N4BP2: variants seen among roughly 807,000 people sequenced by gnomAD.
N4BP2 encodes the protein NEDD4 binding protein 2.
In N4BP2, 91 loss-of-function variants were observed where a neutral mutation model predicts 152.8. The observed-to-expected ratio is 0.60, with a 90% CI of 0.50 to 0.71. N4BP2 has a LOEUF of 0.71. Ranked by LOEUF, N4BP2 falls within the 30% of genes least tolerant of loss-of-function variation. The probability of loss-of-function intolerance (pLI) is 0.00; values close to 1 mark genes in which losing one functional copy is unlikely to be tolerated. For synonymous variants in N4BP2, 646 were observed against 705.3 expected, an observed-to-expected ratio of 0.92 and a Z score of 1.33; for missense variants, 1,923 against 2,059.1, an observed-to-expected ratio of 0.93 and a Z score of 1.28.
At chr4:40,075,695 C>A (rs1243157365) in intron 2 of N4BP2, among the ~76,000 whole-genome samples, 2 of 152,160 alleles carry the variant, frequency 1.3e-5, no homozygotes, top group African/African-American at 2.4e-5. Context: ...TGTGCCAGGC[C>A]TACACATCTT....
chr4:40,147,118 C>G (rs975197322), intron 16 of N4BP2, among the ~76,000 whole-genome samples: 1 of 149,882 alleles, frequency 6.7e-6, no homozygotes, highest in Non-Finnish European at 1.5e-5. Context: ...TGACTCTTAA[C>G]GAGCATGCTG....
In N4BP2 at chr4:40,120,128, C is replaced by G. The variant is rs764398729; in HGVS notation, c.2017C>G (p.Gln673Glu). The change falls in exon 9 of 18, where the codon CAA becomes GAA. Residue 673 changes from glutamine (Q) to glutamate (E), a missense_variant. Physicochemically the swap from Gln to Glu is conservative, Grantham distance 29. Transcript: ENST00000261435. Reference protein sequence around the residue: ...KEISDMNPSIQSALILETPHM... With the variant: ...KEISDMNPSIESALILETPHM... ...AATAAGTGATATGAATCCTAGCATT[C>G]AAAGTGCTTTAATTCTGGAAACTCC... is the stretch of plus-strand genomic sequence containing the variant. 2 of 1,612,188 alleles carry G rather than the reference C, an allele frequency of 1.2e-6. No homozygotes were observed. Among genetic ancestry groups the G allele is most frequent in the South Asian group, 2.2e-5 (2 of 90,958 alleles).
At position 40,102,060 on chromosome 4, in the gene N4BP2, C is replaced by T. The variant is rs1444733668; in HGVS notation, c.230-15C>T. On this transcript the variant is annotated splice_polypyrimidine_tract_variant and intron_variant, in intron 3 of 17. Coordinates refer to ENST00000261435, the MANE Select transcript of N4BP2 (RefSeq NM_018177.6). Reference sequence around the variant, plus strand: ...CTATATTTTTGTTGTTGTTATTATTCTTGTTGTTGTACAGTTGAAAATGCT... The same window carrying T: ...CTATATTTTTGTTGTTGTTATTATTTTTGTTGTTGTACAGTTGAAAATGCT... 1 of 1,458,684 alleles carries T rather than the reference C, an allele frequency of 6.9e-7. No individual in the cohort carries two copies. Among genetic ancestry groups the T allele is most frequent in the Non-Finnish European group, 9.2e-7 (1 of 1,085,430 alleles). The allele number at this position is 1,458,684 out of a possible 1,614,324, so 90.4% of individuals were successfully genotyped here.
rs553088429 is a variant in N4BP2 at position 40,072,539 on chromosome 4, C to T, written c.-211-916C>T. Among the ~76,000 whole-genome samples, 68 of 151,494 alleles carry T rather than the reference C, an allele frequency of 4.5e-4. 1 individual carries two copies. Among genetic ancestry groups the T allele is most frequent in the African/African-American group, 1.4e-3 (57 of 41,294 alleles). On this transcript the variant is annotated intron_variant, in intron 1 of 17. Coordinates refer to ENST00000261435, the MANE Select transcript of N4BP2 (RefSeq NM_018177.6). ...GATTACAGGCGTGAGCCACCGCGCT[C>T]GGCCCACCTGGCTAATTTTTGTAAT...
At chr4:40,160,374 C>G (rs1238540582), downstream of N4BP2, among the ~76,000 whole-genome samples, 1 of 152,160 alleles carries the variant, frequency 6.6e-6, no homozygotes, top group African/African-American at 2.4e-5. Context: ...TTAGTAGAAA[C>G]CATCCTTCAA....
chr4:40,112,131 A>G lies in N4BP2; in HGVS notation c.1546A>G (p.Thr516Ala), dbSNP rs1439121770. Residue 516 changes from threonine to alanine, a missense_variant, in exon 6 of 18, where the codon ACA (threonine) becomes GCA (alanine). By Grantham distance (58) the Thr-to-Ala change is moderately conservative. Coordinates refer to ENST00000261435, the MANE Select transcript of N4BP2 (RefSeq NM_018177.6). Reference sequence around the variant, plus strand: ...GATATCTCCTATAATTATAGATAATACAAACCTACAGGCATGGGAAATGAA... The same window carrying G: ...GATATCTCCTATAATTATAGATAATGCAAACCTACAGGCATGGGAAATGAA... Reference protein sequence around the residue: ...KKISPIIIDNTNLQAWEMKPY... With the variant: ...KKISPIIIDNANLQAWEMKPY... 1 of 1,580,224 alleles carries G rather than the reference A, an allele frequency of 6.3e-7. No homozygotes were observed. The highest frequency in any genetic ancestry group is 1.2e-5 in the South Asian group (1 of 86,570).
At chr4:40,077,265 A>G (rs528152079) in intron 2 of N4BP2, among the ~76,000 whole-genome samples, 19 of 151,538 alleles carry the variant, frequency 1.3e-4, no homozygotes, top group East Asian at 1.2e-3. Context: ...GGTTCAAGCA[A>G]TTCTCCTGAG....
chr4:40,105,548 C>CTT (rs34782994), intron 4 of N4BP2, among the ~76,000 whole-genome samples: 1 of 140,118 alleles, frequency 7.1e-6, no homozygotes, highest in African/African-American at 2.7e-5. Flanking sequence ...TGGTCTCAAA[C>CTT]TTTTTTTTTT....
chr4:40,075,892 TTA>T (rs1712680524), intron 2 of N4BP2, among the ~76,000 whole-genome samples: 1 of 152,164 alleles, frequency 6.6e-6, no homozygotes, highest in African/African-American at 2.4e-5. Context: ...AGTGCTTTGA[TTA>T]CTGCCTACTG....
the N4BP2 span, among the ~76,000 whole-genome samples, chr4:40,190,370 T>C: frequency 6.6e-6 from 1 of 152,252 alleles, no homozygotes; most frequent in Non-Finnish European, 1.5e-5. Flanking sequence ...GATTCTGCAT[T>C]GCTCAGATTA....
intron 1 of N4BP2, among the ~76,000 whole-genome samples, chr4:40,061,955 A>G (rs1733689273): frequency 6.6e-6 from 1 of 151,980 alleles, no homozygotes; most frequent in South Asian, 2.1e-4. Flanking sequence ...GTGAACCACC[A>G]TGCCTGGCCA....
At chr4:40,072,645 C>G (rs141779954) in intron 1 of N4BP2, among the ~76,000 whole-genome samples, 3 of 152,096 alleles carry the variant, frequency 2.0e-5, no homozygotes, top group African/African-American at 7.2e-5. Flanking sequence ...CTGTACCCCC[C>G]CAGGCCTCCC....
chr4:40,140,843 C>T (rs1383718854), intron 14 of N4BP2, among the ~76,000 whole-genome samples: 3 of 150,984 alleles, frequency 2.0e-5, no homozygotes, highest in African/African-American at 7.3e-5. Flanking sequence ...CATCTTGCAC[C>T]GCCCTTAATC....
intron 8 of N4BP2, among the ~76,000 whole-genome samples, chr4:40,118,448 A>G (rs969643408): frequency 3.3e-5 from 5 of 152,126 alleles, no homozygotes; most frequent in African/African-American, 1.2e-4. Context: ...ATAAATAAAT[A>G]AATAAGGTGG....
intron 14 of N4BP2, among the ~76,000 whole-genome samples, chr4:40,138,855 G>A (rs1560634402): frequency 6.6e-6 from 1 of 152,148 alleles, no homozygotes; most frequent in African/African-American, 2.4e-5. Flanking sequence ...GGAAGTGTGA[G>A]TTTTCCAACT....
intron 2 of N4BP2, among the ~76,000 whole-genome samples, chr4:40,086,257 G>A (rs1713941141): frequency 6.6e-6 from 1 of 151,408 alleles, no homozygotes; most frequent in Admixed American, 6.6e-5. Flanking sequence ...GCCTGGACAA[G>A]TCCAGGAGTT....
At chr4:40,168,923 A>G in the N4BP2 span, among the ~76,000 whole-genome samples, 1 of 151,800 alleles carries the variant, frequency 6.6e-6, no homozygotes, top group Non-Finnish European at 1.5e-5. Context: ...ACGAGGTTTC[A>G]CCATGTTGGC....
chr4:40,161,344 C>T (rs1490720493), downstream of N4BP2, among the ~76,000 whole-genome samples: 2 of 152,122 alleles, frequency 1.3e-5, no homozygotes, highest in Admixed American at 6.6e-5. Context: ...GATGCAATTA[C>T]CAGGATAGAC....
At chr4:40,112,984 G>A (rs555658591) in intron 6 of N4BP2, among the ~76,000 whole-genome samples, 99 of 152,282 alleles carry the variant, frequency 6.5e-4, no homozygotes, top group African/African-American at 2.3e-3. Context: ...GATTACAGGC[G>A]TGAGCCACCA....
Sources: gnomAD v4.1 joint callset for allele counts (sites outside exome capture counted in the v4.1 genomes callset) on GRCh38, gnomAD v4.1.1 for gene constraint, MANE v1.5 for transcripts, NCBI Gene and HGNC (gene_info 2026-07-23, HGNC 2026-07-21) for gene names.